The following PLEKHG1 variants were observed in gnomAD, a reference collection of about 807,000 sequenced individuals.
The protein encoded by PLEKHG1 is pleckstrin homology domain-containing family G member 1.
PLEKHG1 carries 44 observed loss-of-function variants against 100.8 expected under a neutral mutation model. The ratio of observed to expected loss-of-function variants is 0.44; its 90% CI spans 0.34 to 0.56. PLEKHG1 has a LOEUF of 0.56. Ranked by LOEUF, PLEKHG1 falls within the 20% of genes least tolerant of loss-of-function variation. PLEKHG1 has a pLI of 0.01. For synonymous variants in PLEKHG1, 640 were observed against 662.5 expected, an observed-to-expected ratio of 0.97 and a Z score of 0.52; for missense variants, 1,545 against 1,720.9, an observed-to-expected ratio of 0.90 and a Z score of 1.81.
chr6:150,815,313 G>C (rs1787803001), intron 10 of PLEKHG1, among the ~76,000 whole-genome samples: 1 of 152,056 alleles, frequency 6.6e-6, no homozygotes, highest in African/African-American at 2.4e-5. Flanking sequence ...ATGGTCCTTG[G>C]CTGACACCTA....
chr6:150,780,186 AG>A (rs1301658778), intron 3 of PLEKHG1, among the ~76,000 whole-genome samples: 1 of 141,838 alleles, frequency 7.1e-6, no homozygotes, highest in Non-Finnish European at 1.5e-5. Context: ...CCCAGGCTGG[AG>A]TGCAGTGGCA....
intron 1 of PLEKHG1, among the ~76,000 whole-genome samples, chr6:150,612,030 G>C (rs1239828101): frequency 7.2e-6 from 1 of 138,886 alleles, no homozygotes; most frequent in African/African-American, 2.7e-5. Context: ...CCTACTTTCA[G>C]CTTCCTGGTG....
intron 5 of PLEKHG1, among the ~76,000 whole-genome samples, chr6:150,798,248 A>G (rs1786474452): frequency 6.6e-6 from 1 of 152,218 alleles, no homozygotes; most frequent in African/African-American, 2.4e-5. Context: ...AGGGAAGGAA[A>G]AAAAACATTC....
intron 1 of PLEKHG1, among the ~76,000 whole-genome samples, chr6:150,727,270 T>C (rs1252953870): frequency 1.5e-4 from 23 of 152,208 alleles, no homozygotes; most frequent in Non-Finnish European, 1.5e-5. Flanking sequence ...TCTTGCCTCC[T>C]AAGTTTCTCC....
At chr6:150,827,367 T>C in intron 14 of PLEKHG1, among the ~76,000 whole-genome samples, 1 of 150,126 alleles carries the variant, frequency 6.7e-6, no homozygotes, top group Non-Finnish European at 1.5e-5. Context: ...AACCTCCGCC[T>C]CCCGGGTTCA....
chr6:150,682,790 A>G (rs1779980294), intron 3 of PLEKHG1, among the ~76,000 whole-genome samples: 1 of 152,156 alleles, frequency 6.6e-6, no homozygotes, highest in Non-Finnish European at 1.5e-5. Flanking sequence ...ATGCCTGCCC[A>G]GTTTTCCCTT....
At chr6:150,785,487 C>T (rs779791739) in intron 3 of PLEKHG1, among the ~76,000 whole-genome samples, 1 of 152,166 alleles carries the variant, frequency 6.6e-6, no homozygotes, top group Non-Finnish European at 1.5e-5. Context: ...AATTATGGTA[C>T]AGTCACACAA....
chr6:150,697,016 G>C, intron 3 of PLEKHG1, among the ~76,000 whole-genome samples: 1 of 151,670 alleles, frequency 6.6e-6, no homozygotes, highest in East Asian at 1.9e-4. Context: ...AGAATTGCCT[G>C]AACCTGGGAG....
At chr6:150,840,218 C>A in exon 16 of PLEKHG1, 1 of 1,614,230 alleles carries the variant, frequency 6.2e-7, no homozygotes, top group Non-Finnish European at 8.5e-7. Context: ...GGTGTCAGGA[C>A]CATCTTTACA....
At chr6:150,804,868 A>G (rs576387283) in intron 7 of PLEKHG1, 127 bp downstream of exon 8, 304 of 829,332 alleles carry the variant, frequency 3.7e-4, no homozygotes, top group Non-Finnish European at 5.4e-4. Context: ...TTCTCCCTGA[A>G]AAAAGTTCAG....
rs574683252 is a variant in PLEKHG1 at position 150,785,477 on chromosome 6, A to G, written c.513-913A>G. On this transcript the variant is annotated intron_variant, in intron 3 of 15. Coordinates refer to ENST00000358517, the Ensembl canonical transcript of PLEKHG1. ...CCAACAGTGTGAGATTCATTGAATC[A>G]ATTATGGTACAGTCACACAATGAAG... Among the ~76,000 whole-genome samples, 35 of 152,344 alleles carry G rather than the reference A, an allele frequency of 2.3e-4. No individual in the cohort carries two copies. The South Asian group carries it at 6.2e-3, about 27-fold the overall frequency.
At chr6:150,731,536 C>G (rs115646502) in intron 1 of PLEKHG1, among the ~76,000 whole-genome samples, 1,671 of 152,292 alleles carry the variant, frequency 0.011, 30 homozygotes, top group African/African-American at 0.037. Flanking sequence ...TTAGTACCAA[C>G]TGTTTAGTGA....
At chr6:150,709,969 G>T (rs559220029) in intron 3 of PLEKHG1, among the ~76,000 whole-genome samples, 21 of 151,858 alleles carry the variant, frequency 1.4e-4, no homozygotes, top group African/African-American at 4.8e-4. Context: ...TTATTTTTTT[G>T]TAGAGATGGG....
intron 1 of PLEKHG1, among the ~76,000 whole-genome samples, chr6:150,731,190 G>T (rs555914326): frequency 1.3e-5 from 2 of 152,242 alleles, no homozygotes; most frequent in East Asian, 1.9e-4. Flanking sequence ...GATTTTTGCC[G>T]CACCCAAGTT....
intron 3 of PLEKHG1, among the ~76,000 whole-genome samples, chr6:150,687,217 T>A (rs1235926698): frequency 3.9e-5 from 6 of 152,214 alleles, no homozygotes; most frequent in Non-Finnish European, 1.5e-5. Context: ...AGTCACATAG[T>A]AAAAGATTAT....
intron 3 of PLEKHG1, among the ~76,000 whole-genome samples, chr6:150,667,347 G>C (rs1427886655): frequency 6.6e-6 from 1 of 152,080 alleles, no homozygotes; most frequent in Non-Finnish European, 1.5e-5. Context: ...CTTAGCCTTT[G>C]ACTAAGGATT....
intron 3 of PLEKHG1, among the ~76,000 whole-genome samples, chr6:150,656,796 G>A (rs1161246245): frequency 6.6e-6 from 1 of 152,192 alleles, no homozygotes; most frequent in Non-Finnish European, 1.5e-5. Flanking sequence ...GAAGAAATAT[G>A]AATGGATTGA....
chr6:150,821,144 A>T lies in PLEKHG1; in HGVS notation c.1409-51A>T, dbSNP rs546963304. 1.3e-4 allele frequency: 191 copies of T among 1,451,838 alleles called. 1 individual carries two copies. The South Asian group carries it at 2.0e-3, about 15-fold the overall frequency. 89.9% of individuals were successfully genotyped at this position (1,451,838 alleles called of 1,614,324 possible). ...TAATCCTCTTATAAAGAATAAAGAA[A>T]AAGGTTTGATTTGGTTTTGCCAATG... On this transcript the variant is annotated intron_variant, in intron 12 of 15. Transcript: ENST00000358517.
intron 13 of PLEKHG1, 62 bp downstream of exon 14, chr6:150,821,295 CAAAAAT>C (rs1262873924): frequency 9.5e-7 from 1 of 1,051,204 alleles, no homozygotes; most frequent in African/African-American, 1.6e-5. Context: ...TCAAACCACA[CAAAAAT>C]AAATAAATAC....
Sources: gnomAD v4.1 joint callset for allele counts (sites outside exome capture counted in the v4.1 genomes callset) on GRCh38, gnomAD v4.1.1 for gene constraint, MANE v1.5 for transcripts, NCBI Gene and HGNC (gene_info 2026-07-23, HGNC 2026-07-21) for gene names.